Variants in UPF2 observed in about 807,000 individuals in gnomAD.
The protein encoded by UPF2 is regulator of nonsense transcripts 2.
In UPF2, 17 loss-of-function variants were observed where a neutral mutation model predicts 141.4. The observed-to-expected ratio is 0.12, with a 90% CI of 0.08 to 0.18. The LOEUF (loss-of-function observed/expected upper bound fraction) is 0.18, where lower values mean the gene tolerates loss of function less well. UPF2 is among the 10% of genes least tolerant of loss of function. UPF2 has a pLI of 1.00. For missense variants in UPF2, 1,152 were observed against 1,515.9 expected (o/e 0.76, Z 3.99); for synonymous variants, 540 against 498.0 (o/e 1.08, Z -1.12).
In UPF2 at chr10:12,035,347, C is replaced by T. The variant is rs368848762; in HGVS notation, c.77G>A (p.Ser26Asn). The T allele has an allele frequency of 1.2e-6, 2 of 1,608,528 alleles. No homozygotes were observed. The highest frequency in any genetic ancestry group is 1.7e-5 in the Admixed American group (1 of 58,264). ...CTTGCTGCTCACTGTCCGCCTTTCA[C>T]TGCAGTCTTTTTCCTTGTTGTTTGG... ...SLPNNKEKDC[S>N]ERRTVSSKER... Residue 26 changes from serine (S) to asparagine (N), a missense_variant, in exon 2 of 22, where the codon AGT becomes AAT. Around this residue, in one of 4 missense-constraint regions of UPF2, gnomAD observed 145 missense variants for 136.5 expected, o/e 1.06. Transcript: ENST00000357604.
chr10:11,964,862 C>T (rs1833295305), intron 10 of UPF2, among the ~76,000 whole-genome samples: 1 of 152,100 alleles, frequency 6.6e-6, no homozygotes, highest in Non-Finnish European at 1.5e-5. Flanking sequence ...ACAGTATTTG[C>T]ACATATATAA....
chr10:11,948,141 G>A lies in UPF2; in HGVS notation c.3174+228C>T, dbSNP rs377169932. Among the ~76,000 whole-genome samples, 17 of 151,186 alleles carry A rather than the reference G, an allele frequency of 1.1e-4. No individual in the cohort carries two copies. In the East Asian group the frequency reaches 3.1e-3, roughly 28 times the overall value. On this transcript the variant is annotated intron_variant, in intron 16 of 21. Transcript: ENST00000357604. Reference sequence around the variant, plus strand: ...CGAGTGCTTGTTATCTCAGCTACTCGGGAGGCTGAGGCAGGAGAATCACTT... The same window carrying A: ...CGAGTGCTTGTTATCTCAGCTACTCAGGAGGCTGAGGCAGGAGAATCACTT...
chr10:11,982,857 C>T (rs1464229631), intron 8 of UPF2, among the ~76,000 whole-genome samples: 1 of 152,056 alleles, frequency 6.6e-6, no homozygotes, highest in East Asian at 1.9e-4. Context: ...CGACCTTAGG[C>T]GATCCACCCC....
chr10:11,974,292 C>T (rs112278699), intron 9 of UPF2, among the ~76,000 whole-genome samples: 8,775 of 152,136 alleles, frequency 0.058, 324 homozygotes, highest in Non-Finnish European at 0.085. Flanking sequence ...GACGATGGGG[C>T]TTTCTAAATA....
intron 9 of UPF2, among the ~76,000 whole-genome samples, chr10:11,975,743 C>T (rs1482581814): frequency 6.6e-6 from 1 of 151,946 alleles, no homozygotes; most frequent in Admixed American, 6.6e-5. Flanking sequence ...TCTCGAACTC[C>T]CAACCTCCGG....
chr10:11,963,754 A>G (rs1833275873), intron 11 of UPF2, among the ~76,000 whole-genome samples: 1 of 152,224 alleles, frequency 6.6e-6, no homozygotes, highest in African/African-American at 2.4e-5. Flanking sequence ...GCTCATCTGC[A>G]TCATTTGTTA....
At chr10:12,040,193 G>A (rs1026680055) in intron 1 of UPF2, among the ~76,000 whole-genome samples, 3 of 152,076 alleles carry the variant, frequency 2.0e-5, no homozygotes, top group African/African-American at 7.2e-5. Flanking sequence ...GGCCGAGGCA[G>A]GTAGATCACG....
chr10:11,930,508 G>A (rs1243206653), intron 20 of UPF2, among the ~76,000 whole-genome samples: 2 of 152,182 alleles, frequency 1.3e-5, no homozygotes, highest in Admixed American at 6.5e-5. Context: ...CGGGTGTGGC[G>A]GCTCATGTCT....
At chr10:11,989,081 A>G (rs528237559) in intron 8 of UPF2, among the ~76,000 whole-genome samples, 139 of 152,348 alleles carry the variant, frequency 9.1e-4, no homozygotes, top group African/African-American at 2.9e-3. Context: ...TTTTTGATCA[A>G]TAAAAATATA....
intron 3 of UPF2, among the ~76,000 whole-genome samples, chr10:12,025,899 A>G (rs1278240587): frequency 1.3e-5 from 2 of 152,084 alleles, no homozygotes; most frequent in Non-Finnish European, 2.9e-5. Flanking sequence ...GGCTCAACTG[A>G]TCCTCCCACC....
At chr10:11,941,872 T>C (rs771457610) in intron 18 of UPF2, among the ~76,000 whole-genome samples, 6 of 152,384 alleles carry the variant, frequency 3.9e-5, no homozygotes, top group Non-Finnish European at 7.3e-5. Context: ...AACTGCTAAG[T>C]AGTGTTTTTT....
Position 11,988,069 on chromosome 10 carries a change from G to A in UPF2, c.1845-8904C>T, listed in dbSNP as rs994185420. Among the ~76,000 whole-genome samples the A allele has an allele frequency of 8.5e-5, 13 of 152,222 alleles. No individual in the cohort carries two copies. In the South Asian group the frequency reaches 2.7e-3, roughly 32 times the overall value. ...AACTCTTAGAACTCATTCATAAAAA[G>A]ACAAATACAATTTTACAGGGGCAAA... is the stretch of plus-strand genomic sequence containing the variant. On this transcript the variant is annotated intron_variant, in intron 8 of 21. Coordinates refer to ENST00000357604, the MANE Select transcript of UPF2 (RefSeq NM_015542.4).
At chr10:12,033,405 C>T (rs971489723) in intron 2 of UPF2, among the ~76,000 whole-genome samples, 1 of 152,058 alleles carries the variant, frequency 6.6e-6, no homozygotes, top group African/African-American at 2.4e-5. Flanking sequence ...TGGTGGCACG[C>T]ACCTGTAGTT....
At chr10:11,954,057 C>T (rs1833110975) in intron 14 of UPF2, among the ~76,000 whole-genome samples, 3 of 152,160 alleles carry the variant, frequency 2.0e-5, no homozygotes, top group Admixed American at 1.3e-4. Context: ...CCCTAATTGG[C>T]ACTTAGAAAA....
intron 16 of UPF2, among the ~76,000 whole-genome samples, chr10:11,945,843 A>C (rs543858099): frequency 6.6e-6 from 1 of 152,276 alleles, no homozygotes; most frequent in East Asian, 1.9e-4. Flanking sequence ...CAAGACAACC[A>C]TAAGATTAGT....
intron 1 of UPF2, among the ~76,000 whole-genome samples, chr10:12,040,297 C>T (rs1190231185): frequency 1.3e-5 from 2 of 152,132 alleles, no homozygotes; most frequent in South Asian, 2.1e-4. Context: ...CAGCACACGC[C>T]TGTAGTCCCA....
chr10:11,933,196 C>T (rs1455530509), intron 19 of UPF2, among the ~76,000 whole-genome samples: 1 of 151,994 alleles, frequency 6.6e-6, no homozygotes, highest in Non-Finnish European at 1.5e-5. Flanking sequence ...ACTTAAAATC[C>T]AAAGATTCCT....
At chr10:11,971,784 C>T (rs1050747383) in intron 9 of UPF2, among the ~76,000 whole-genome samples, 4 of 152,100 alleles carry the variant, frequency 2.6e-5, no homozygotes, top group Admixed American at 6.5e-5. Flanking sequence ...ACTCTTCAGG[C>T]CGGGCACAGT....
In UPF2 at chr10:12,014,150, C is replaced by A; in HGVS notation, c.1180G>T (p.Asp394Tyr). Residue 394 changes from aspartate (D) to tyrosine (Y), a missense_variant, in exon 4 of 22, where the codon GAT becomes TAT. Asp to Tyr is a radical substitution (Grantham distance 160). Around this residue, in one of 4 missense-constraint regions of UPF2, gnomAD observed 739 missense variants for 1,032.2 expected, o/e 0.72. Transcript: ENST00000357604. The surrounding 1 kb of genome is among the most constrained non-coding windows in gnomAD (Gnocchi z 5.0). ...ILHSKGELSE[D>Y]RHKQYEEFAM... is the part of the protein sequence containing the mutation. The stretch of plus-strand genomic sequence containing the variant: ...AATTCCTCATACTGTTTATGTCTAT[C>A]TTCACTGAGCTCCCCTTTAGAATGT... 2 of 1,537,632 alleles carry A rather than the reference C, an allele frequency of 1.3e-6. No homozygotes were observed. The highest frequency in any genetic ancestry group is 1.8e-6 in the Non-Finnish European group (2 of 1,136,194).
Sources: allele counts gnomAD v4.1 joint callset (sites outside exome capture counted in the v4.1 genomes callset), GRCh38; gene constraint gnomAD v4.1.1; regional missense constraint gnomAD v4.1.1; non-coding constraint Gnocchi (gnomAD v3.1); transcripts MANE v1.5; gene names NCBI Gene and HGNC (gene_info 2026-07-23, HGNC 2026-07-21).